The following EYS variants were observed in gnomAD, a reference collection of about 807,000 sequenced individuals.
The protein encoded by EYS is EGF-like photoreceptor maintenance factor.
In EYS, 250 loss-of-function variants were observed where a neutral mutation model predicts 282.1. The observed-to-expected ratio is 0.89, with a 90% CI of 0.80 to 0.98. The LOEUF (loss-of-function observed/expected upper bound fraction) is 0.98, where lower values mean the gene tolerates loss of function less well. Among genes scored for constraint, EYS ranks in the 50% least tolerant of loss-of-function variants. The pLI, the probability that EYS is intolerant of heterozygous loss-of-function variation, is 0.00. For missense variants in EYS, 4,016 were observed against 3,709.0 expected, an observed-to-expected ratio of 1.08 and a Z score of -2.15; for synonymous variants, 1,355 against 1,282.9, an observed-to-expected ratio of 1.06 and a Z score of -1.20.
chr6:64,366,974 G>T (rs1044311024), intron 29 of EYS, among the ~76,000 whole-genome samples: 40 of 152,076 alleles, frequency 2.6e-4, no homozygotes, highest in Admixed American at 1.4e-3. Context: ...GCTTGGACAT[G>T]TCAGATTTGA....
At chr6:64,182,928 G>A (rs932523311) in intron 31 of EYS, among the ~76,000 whole-genome samples, 1 of 151,992 alleles carries the variant, frequency 6.6e-6, no homozygotes, top group Non-Finnish European at 1.5e-5. Context: ...ACTTTTGCAG[G>A]GATCTTGATA....
At chr6:63,939,440 G>C (rs1252742196) in intron 35 of EYS, among the ~76,000 whole-genome samples, 1 of 152,104 alleles carries the variant, frequency 6.6e-6, no homozygotes, top group Non-Finnish European at 1.5e-5. Flanking sequence ...ATTCAGTTTT[G>C]ACAAAAGAAA....
At chr6:64,371,931 A>C (rs2150414278) in intron 29 of EYS, among the ~76,000 whole-genome samples, 2 of 152,224 alleles carry the variant, frequency 1.3e-5, no homozygotes, top group South Asian at 4.1e-4. Flanking sequence ...TGGTCTCCTG[A>C]AGACAGAATA....
intron 12 of EYS, among the ~76,000 whole-genome samples, chr6:65,082,971 G>A (rs779132140): frequency 1.3e-5 from 2 of 151,820 alleles, no homozygotes; most frequent in Non-Finnish European, 1.5e-5. Flanking sequence ...TTTCAGAAGC[G>A]GCATATTGAT....
At chr6:64,198,959 C>T (rs1009471340) in intron 31 of EYS, among the ~76,000 whole-genome samples, 1 of 152,188 alleles carries the variant, frequency 6.6e-6, no homozygotes, top group African/African-American at 2.4e-5. Context: ...TAAAAGCGTT[C>T]CTATTTCTCT....
intron 29 of EYS, among the ~76,000 whole-genome samples, chr6:64,344,105 C>G (rs2150398617): frequency 6.6e-6 from 1 of 152,216 alleles, no homozygotes; most frequent in South Asian, 2.1e-4. Flanking sequence ...AAGATGGATT[C>G]ACAGCCGAAT....
intron 12 of EYS, among the ~76,000 whole-genome samples, chr6:65,264,141 C>G (rs1767691233): frequency 6.6e-6 from 1 of 152,034 alleles, no homozygotes; most frequent in Non-Finnish European, 1.5e-5. Context: ...TTTCTGGTAA[C>G]CAATGATATG....
At chr6:65,359,164 A>G (rs1470984735) in intron 8 of EYS, among the ~76,000 whole-genome samples, 4 of 152,078 alleles carry the variant, frequency 2.6e-5, no homozygotes, top group African/African-American at 9.6e-5. Context: ...TCACAATGAC[A>G]GTAAAAAGAA....
At chr6:64,176,353 G>A (rs557178945) in intron 31 of EYS, among the ~76,000 whole-genome samples, 1 of 152,256 alleles carries the variant, frequency 6.6e-6, no homozygotes, top group East Asian at 1.9e-4. Flanking sequence ...ACAGGTGGGA[G>A]CAGAAAGGCC....
At chr6:64,598,276 C>T (rs1168106761) in intron 24 of EYS, among the ~76,000 whole-genome samples, 1 of 152,062 alleles carries the variant, frequency 6.6e-6, no homozygotes, top group African/African-American at 2.4e-5. Flanking sequence ...CTTGCTAACA[C>T]GGTGAAACCC....
intron 22 of EYS, among the ~76,000 whole-genome samples, chr6:64,777,845 G>T (rs1338220128): frequency 6.6e-6 from 1 of 152,030 alleles, no homozygotes; most frequent in African/African-American, 2.4e-5. Flanking sequence ...ACACTTTGAA[G>T]GAATTAATAA....
chr6:64,306,939 G>A (rs1407237037), intron 30 of EYS, 31 bp downstream of exon 30: 1 of 1,008,908 alleles, frequency 9.9e-7, no homozygotes, highest in East Asian at 2.6e-5. Context: ...ATTTGAACAA[G>A]TTATTAGAAA....
intron 15 of EYS, among the ~76,000 whole-genome samples, chr6:64,931,451 C>A (rs1165603836): frequency 1.3e-5 from 2 of 151,880 alleles, no homozygotes; most frequent in South Asian, 4.1e-4. Flanking sequence ...GAACCTTAAG[C>A]TTTAATCAAA....
intron 31 of EYS, among the ~76,000 whole-genome samples, chr6:64,213,051 T>C (rs780933923): frequency 6.6e-6 from 1 of 151,924 alleles, no homozygotes; most frequent in Non-Finnish European, 1.5e-5. Context: ...TAAGTGGGGA[T>C]ACATAGAGGG....
intron 5 of EYS, among the ~76,000 whole-genome samples, chr6:65,433,058 A>T (rs562891034): frequency 6.6e-6 from 1 of 152,324 alleles, no homozygotes; most frequent in Admixed American, 6.5e-5. Flanking sequence ...AGATACATCA[A>T]TATATAATAG....
intron 13 of EYS, among the ~76,000 whole-genome samples, chr6:65,051,275 T>G (rs1373349963): frequency 6.6e-6 from 1 of 151,548 alleles, no homozygotes; most frequent in African/African-American, 2.4e-5. Flanking sequence ...AACAGTGATA[T>G]ATGCAACATT....
chr6:65,692,456 A>C (rs1769279375), intron 1 of EYS, among the ~76,000 whole-genome samples: 1 of 150,310 alleles, frequency 6.7e-6, no homozygotes, highest in African/African-American at 2.4e-5. Context: ...AATTCATAGA[A>C]AACACTAAAT....
intron 1 of EYS, among the ~76,000 whole-genome samples, chr6:65,651,266 G>A (rs1767641530): frequency 6.6e-6 from 1 of 151,636 alleles, no homozygotes; most frequent in African/African-American, 2.4e-5. Context: ...TAAATTTTTA[G>A]ATCAGAAAAA....
rs758522815 is a variant in EYS at position 64,591,006 on chromosome 6, C to T, written c.4861G>A (p.Val1621Met). The part of the protein sequence containing the change: ...FSSATEITPS[V>M]AFTEVPSLFP... ...AAAGATGGCACTTCTGTGAATGCCA[C>T]TGATGGTGTTATTTCAGTAGCAGAA... is the stretch of plus-strand genomic sequence containing the variant. The change falls in exon 26 of 43, where the codon GTG becomes ATG. Residue 1621 changes from valine to methionine, a missense_variant. Physicochemically the swap from Val to Met is conservative, Grantham distance 21 (BLOSUM62 1). Coordinates refer to ENST00000503581, the MANE Select transcript of EYS (RefSeq NM_001142800.2). 1.9e-6 allele frequency: 3 copies of T among 1,551,326 alleles called. No homozygotes were observed. The highest frequency in any genetic ancestry group is 2.6e-6 in the Non-Finnish European group (3 of 1,146,776).
Sources: allele counts gnomAD v4.1 joint callset (sites outside exome capture counted in the v4.1 genomes callset), GRCh38; gene constraint gnomAD v4.1.1; transcripts MANE v1.5; gene names NCBI Gene and HGNC (gene_info 2026-07-23, HGNC 2026-07-21).